The following SORBS2 variants were observed in gnomAD, a reference collection of about 807,000 sequenced individuals.
The protein encoded by SORBS2 is sorbin and SH3 domain containing 2.
In SORBS2, 46 loss-of-function variants were observed where a neutral mutation model predicts 97.7. The ratio of observed to expected loss-of-function variants is 0.47; its 90% confidence interval spans 0.37 to 0.60. The LOEUF is 0.60. SORBS2 is among the 20% of genes least tolerant of loss of function. SORBS2 has a pLI of 0.00. For synonymous variants in SORBS2, 476 were observed against 473.4 expected, an observed-to-expected ratio of 1.01 and a Z score of -0.07; for missense variants, 1,316 against 1,282.3, an observed-to-expected ratio of 1.03 and a Z score of -0.40.
intron 2 of SORBS2, among the ~76,000 whole-genome samples, chr4:185,732,148 T>C (rs747088126): frequency 1.3e-5 from 2 of 151,818 alleles, no homozygotes; most frequent in South Asian, 2.1e-4. Flanking sequence ...GAAAGTTCAG[T>C]GGAGATGGGT....
chr4:185,878,639 C>G (rs2099235006), intron 1 of SORBS2, among the ~76,000 whole-genome samples: 1 of 152,156 alleles, frequency 6.6e-6, no homozygotes, highest in African/African-American at 2.4e-5. Flanking sequence ...CTGTCCTGGA[C>G]CCCGGGATTC....
At position 185,855,189 on chromosome 4, in the gene SORBS2, T is replaced by C. The variant is rs548502509; in HGVS notation, c.-337-79823A>G. Among the ~76,000 whole-genome samples the C allele has an allele frequency of 2.0e-4, 30 of 152,310 alleles. 1 individual carries two copies. In the South Asian group the frequency reaches 5.4e-3, roughly 27 times the overall value. On this transcript the variant is annotated intron_variant, in intron 1 of 20. Coordinates refer to the SORBS2 transcript ENST00000284776. Reference sequence around the variant, plus strand: ...ATTCTCCTCAGGATTTTAGGAGCTATTGCTGTTTTCAGGTTAGTAAGTGAG... The same window carrying C: ...ATTCTCCTCAGGATTTTAGGAGCTACTGCTGTTTTCAGGTTAGTAAGTGAG...
At position 185,885,459 on chromosome 4, in the gene SORBS2, A is replaced by G. The variant is rs575943338; in HGVS notation, c.-338+70737T>C. Among the ~76,000 whole-genome samples the G allele has an allele frequency of 4.6e-5, 7 of 152,334 alleles. 1 individual carries two copies. The South Asian group carries it at 1.2e-3, about 27-fold the overall frequency. ...ATGCCCACTACAGCTCAGAGGCCAA[A>G]TGTCACCAAGATCACTTCCATACAC... On this transcript the variant is annotated intron_variant, in intron 1 of 20. Transcript: ENST00000284776.
At chr4:185,942,014 T>G (rs1003253888) in intron 1 of SORBS2, among the ~76,000 whole-genome samples, 42 of 151,598 alleles carry the variant, frequency 2.8e-4, no homozygotes, top group African/African-American at 9.9e-4. Flanking sequence ...TACTCGGGAG[T>G]CTGAGGCAGG....
intron 2 of SORBS2, among the ~76,000 whole-genome samples, chr4:185,740,983 C>G (rs1041290821): frequency 1.3e-5 from 2 of 152,076 alleles, no homozygotes; most frequent in Non-Finnish European, 2.9e-5. Flanking sequence ...GAACTCAAAC[C>G]AGCACTAACT....
At chr4:185,603,647 A>G (rs2096329387) in intron 12 of SORBS2, among the ~76,000 whole-genome samples, 1 of 152,156 alleles carries the variant, frequency 6.6e-6, no homozygotes, top group Non-Finnish European at 1.5e-5. Flanking sequence ...GAAGTCTGTC[A>G]CCTTTTTTCC....
At chr4:185,620,339 C>A (rs897604000) in intron 7 of SORBS2, among the ~76,000 whole-genome samples, 188 bp from the exon 20 acceptor site, 2 of 152,090 alleles carry the variant, frequency 1.3e-5, no homozygotes, top group Non-Finnish European at 2.9e-5. Flanking sequence ...AAGAGCATTT[C>A]AAAAGGAAAA....
intron 1 of SORBS2, among the ~76,000 whole-genome samples, chr4:185,879,168 C>CCG (rs1561262000): frequency 1.2e-5 from 1 of 80,092 alleles, no homozygotes; most frequent in African/African-American, 5.9e-5. Context: ...CTATCCCTCC[C>CCG]CCCCCCCCAC....
intron 2 of SORBS2, among the ~76,000 whole-genome samples, chr4:185,721,237 G>A: frequency 6.6e-6 from 1 of 152,018 alleles, no homozygotes; most frequent in Non-Finnish European, 1.5e-5. Context: ...ACCACGCCCA[G>A]ATAATTTTTG....
At chr4:185,730,107 G>T (rs10018379) in intron 2 of SORBS2, among the ~76,000 whole-genome samples, 115,700 of 151,872 alleles carry the variant, frequency 0.76, 44,822 homozygotes, top group East Asian at 0.9. Context: ...TGCCTGCCAC[G>T]GCACCTGGCT....
At chr4:185,722,646 G>C (rs551776052) in intron 2 of SORBS2, among the ~76,000 whole-genome samples, 2 of 152,278 alleles carry the variant, frequency 1.3e-5, no homozygotes, top group South Asian at 4.2e-4. Flanking sequence ...TGTTGAAAGA[G>C]TCTTGTTTGA....
intron 1 of SORBS2, among the ~76,000 whole-genome samples, chr4:185,793,823 C>A (rs2099092532): frequency 6.6e-6 from 1 of 152,212 alleles, no homozygotes; most frequent in Admixed American, 6.5e-5. Context: ...GTCCTATGAT[C>A]TATGCACAGC....
chr4:185,716,529 G>A (rs546671705), intron 2 of SORBS2, among the ~76,000 whole-genome samples: 4 of 152,190 alleles, frequency 2.6e-5, no homozygotes, highest in Non-Finnish European at 4.4e-5. Flanking sequence ...TTTCAGATAC[G>A]GGGCCCCTTC....
intron 1 of SORBS2, among the ~76,000 whole-genome samples, chr4:185,789,839 C>G (rs537343619): frequency 6.6e-6 from 1 of 152,054 alleles, no homozygotes; most frequent in Admixed American, 6.6e-5. Flanking sequence ...TGCTGCTATT[C>G]TTGCTTCTTG....
intron 2 of SORBS2, among the ~76,000 whole-genome samples, chr4:185,750,446 G>A (rs375352027): frequency 1.1e-4 from 17 of 152,122 alleles, no homozygotes; most frequent in African/African-American, 3.1e-4. Flanking sequence ...CACATATTCC[G>A]TAGCATCATA....
rs542724056 is a variant in SORBS2 at position 185,787,390 on chromosome 4, G to A, written c.-337-12024C>T. 4.6e-5 allele frequency among the ~76,000 whole-genome samples: 7 copies of A among 152,232 alleles called. 1 individual carries two copies. The highest frequency in any genetic ancestry group is 4.1e-4 in the South Asian group (2 of 4,820). On this transcript the variant is annotated intron_variant, in intron 1 of 20. Transcript: ENST00000284776. ...GGGGAACAGATTAAGTAAAAAGTAC[G>A]TAAAAGACAACATCTTCTTCACACA... is the stretch of plus-strand genomic sequence containing the variant.
intron 2 of SORBS2, among the ~76,000 whole-genome samples, chr4:185,740,747 A>C (rs1305331040): frequency 6.6e-6 from 1 of 151,906 alleles, no homozygotes; most frequent in African/African-American, 2.4e-5. Flanking sequence ...TCAGCCCAGC[A>C]CCAGCTCAGC....
intron 2 of SORBS2, among the ~76,000 whole-genome samples, chr4:185,747,941 A>C (rs1049864836): frequency 5.9e-5 from 9 of 152,074 alleles, no homozygotes; most frequent in Admixed American, 1.3e-4. Flanking sequence ...CAGTGAGCTG[A>C]GACCGTAACA....
At chr4:185,875,262 C>CA (rs965215761) in intron 1 of SORBS2, among the ~76,000 whole-genome samples, 7 of 152,024 alleles carry the variant, frequency 4.6e-5, no homozygotes, top group South Asian at 2.1e-4. Context: ...GTTCTCACCA[C>CA]AAAAAAATAA....
Sources: gnomAD v4.1 joint callset for allele counts (sites outside exome capture counted in the v4.1 genomes callset) on GRCh38, gnomAD v4.1.1 for gene constraint, MANE v1.5 for transcripts, NCBI Gene and HGNC (gene_info 2026-07-23, HGNC 2026-07-21) for gene names.